Variants in WWP2 observed in about 807,000 individuals in gnomAD.
The protein encoded by WWP2 is WW domain containing E3 ubiquitin protein ligase 2.
A neutral mutation model predicts 121.0 loss-of-function variants in WWP2; 57 were observed. That is an observed-to-expected ratio of 0.47 (90% CI 0.38 to 0.59). WWP2 has a LOEUF of 0.59. Among genes scored for constraint, WWP2 ranks in the 20% least tolerant of loss-of-function variants. The pLI, the probability that WWP2 is intolerant of heterozygous loss-of-function variation, is 0.00. For missense variants in WWP2, 962 were observed against 1,158.9 expected, an observed-to-expected ratio of 0.83 and a Z score of 2.47; for synonymous variants, 449 against 441.3, an observed-to-expected ratio of 1.02 and a Z score of -0.22.
chr16:69,912,499 T>G (rs1002196039), intron 9 of WWP2, among the ~76,000 whole-genome samples: 13 of 151,878 alleles, frequency 8.6e-5, no homozygotes, highest in Admixed American at 6.6e-5. Flanking sequence ...AAGGCCAGGA[T>G]GAACTCAGAA....
chr16:69,853,596 G>A (rs1301434271), intron 6 of WWP2, among the ~76,000 whole-genome samples: 1 of 152,190 alleles, frequency 6.6e-6, no homozygotes, highest in African/African-American at 2.4e-5. Context: ...AGAAGAGGGT[G>A]GGAATGTCTG....
intron 1 of WWP2, among the ~76,000 whole-genome samples, chr16:69,779,958 C>T (rs1364807607): frequency 6.6e-6 from 1 of 152,168 alleles, no homozygotes; most frequent in Non-Finnish European, 1.5e-5. Flanking sequence ...GTCATAAAAA[C>T]CACCATCTGG....
chr16:69,815,205 G>A (rs892462878), intron 4 of WWP2, among the ~76,000 whole-genome samples: 2 of 152,044 alleles, frequency 1.3e-5, no homozygotes, highest in East Asian at 3.9e-4. Flanking sequence ...GTTTCACCAT[G>A]TTGGCCAGGC....
intron 6 of WWP2, among the ~76,000 whole-genome samples, chr16:69,862,517 C>T (rs2057440967): frequency 6.6e-6 from 1 of 152,096 alleles, no homozygotes; most frequent in Admixed American, 6.6e-5. Context: ...TTCCAAAGTG[C>T]TGGGATTACA....
rs766917559 is a variant in WWP2 at position 69,939,114 on chromosome 16, G to A, written c.2431G>A (p.Glu811Lys). ...CCGCCTGCCCGTCGGGGGATTTGCC[G>A]AACTCATCGGTATGTTTTCTCTCGC... ...TCRLPVGGFA[E>K]LIGSNGPQKF... The change falls in exon 22 of 24, where the codon GAA becomes AAA. Residue 811 changes from glutamate to lysine, a missense_variant. Coordinates refer to ENST00000359154, the MANE Select transcript of WWP2 (RefSeq NM_001270454.2). The A allele has an allele frequency of 1.2e-5, 19 of 1,598,858 alleles. No homozygotes were observed. The highest frequency in any genetic ancestry group is 1.1e-4 in the South Asian group (10 of 88,972).
intron 6 of WWP2, among the ~76,000 whole-genome samples, chr16:69,869,340 C>T (rs762001544): frequency 8.7e-5 from 13 of 149,584 alleles, no homozygotes; most frequent in Middle Eastern, 3.4e-3. Context: ...ACGTTTCTCC[C>T]TTTTTCTCCT....
chr16:69,936,728 A>G (rs1479901590), intron 19 of WWP2: 1 of 525,894 alleles, frequency 1.9e-6, no homozygotes, highest in Non-Finnish European at 3.4e-6. Flanking sequence ...TCAAGCTGAG[A>G]CATCTGCATC....
At chr16:69,890,541 T>TGGG (rs147147023) in intron 8 of WWP2, among the ~76,000 whole-genome samples, 1 of 152,142 alleles carries the variant, frequency 6.6e-6, no homozygotes, top group African/African-American at 2.4e-5. Context: ...ATGTTATAAT[T>TGGG]TGGGGGGAAC....
chr16:69,784,380 G>A (rs561028847), intron 1 of WWP2, among the ~76,000 whole-genome samples: 14 of 152,254 alleles, frequency 9.2e-5, no homozygotes, highest in Admixed American at 2.0e-4. Context: ...GAATACAGGC[G>A]TGAGCCACTG....
At chr16:69,767,719 A>G (rs898128100) in intron 1 of WWP2, among the ~76,000 whole-genome samples, 4 of 152,172 alleles carry the variant, frequency 2.6e-5, no homozygotes, top group African/African-American at 7.2e-5. Context: ...GTTTGTGATT[A>G]ATCATTTCTC....
chr16:69,916,593 G>C (rs188718399), intron 9 of WWP2, among the ~76,000 whole-genome samples: 370 of 152,258 alleles, frequency 2.4e-3, no homozygotes, highest in South Asian at 4.4e-3. Context: ...GTCAGTGGCA[G>C]GGAGACTGAA....
chr16:69,850,124 C>T (rs1220266302), intron 6 of WWP2, among the ~76,000 whole-genome samples: 1 of 152,098 alleles, frequency 6.6e-6, no homozygotes, highest in East Asian at 1.9e-4. Flanking sequence ...CAGTGGCTCA[C>T]GCCTGTAATC....
intron 3 of WWP2, 109 bp downstream of exon 3, chr16:69,798,938 T>C: frequency 6.8e-7 from 1 of 1,478,028 alleles, no homozygotes; most frequent in East Asian, 2.3e-5. Context: ...CGACTTTTTC[T>C]ACCTATGGTA....
chr16:69,845,036 G>A (rs943973935), intron 6 of WWP2, among the ~76,000 whole-genome samples: 4 of 152,210 alleles, frequency 2.6e-5, no homozygotes, highest in African/African-American at 9.6e-5. Context: ...GGATAAAGGT[G>A]TAGGGCTTTG....
intron 11 of WWP2, among the ~76,000 whole-genome samples, chr16:69,926,516 G>C (rs766277093): frequency 1.6e-4 from 24 of 152,156 alleles, no homozygotes; most frequent in South Asian, 1.2e-3. Context: ...TTTGGAGCTG[G>C]ATCTTCTCGA....
At chr16:69,923,744 G>A (rs1442435966) in intron 10 of WWP2, among the ~76,000 whole-genome samples, 1 of 152,186 alleles carries the variant, frequency 6.6e-6, no homozygotes, top group Non-Finnish European at 1.5e-5. Flanking sequence ...GGTCACTGCT[G>A]TAGCTCAGCA....
chr16:69,804,489 T>C (rs1338610724), intron 4 of WWP2, among the ~76,000 whole-genome samples: 1 of 152,244 alleles, frequency 6.6e-6, no homozygotes, highest in African/African-American at 2.4e-5. Flanking sequence ...TCAGCTTATA[T>C]TAAAAACATA....
intron 6 of WWP2, among the ~76,000 whole-genome samples, chr16:69,854,369 C>T (rs1183733860): frequency 3.9e-5 from 6 of 152,032 alleles, no homozygotes; most frequent in Non-Finnish European, 8.8e-5. Context: ...AGATGAGGTT[C>T]GACTTTTCCT....
chr16:69,854,842 C>T (rs542451174), intron 6 of WWP2, among the ~76,000 whole-genome samples: 15 of 151,808 alleles, frequency 9.9e-5, no homozygotes, highest in African/African-American at 3.1e-4. Flanking sequence ...TGGGCCACCG[C>T]GCCTAGCCTC....
Sources: gnomAD v4.1 joint callset for allele counts (sites outside exome capture counted in the v4.1 genomes callset) on GRCh38, gnomAD v4.1.1 for gene constraint, MANE v1.5 for transcripts, NCBI Gene and HGNC (gene_info 2026-07-23, HGNC 2026-07-21) for gene names.